The following ASTN2 variants were observed in gnomAD, a reference collection of about 807,000 sequenced individuals.
ASTN2 encodes the protein astrotactin-2.
ASTN2 carries 54 observed loss-of-function variants against 139.8 expected under a neutral mutation model. The observed-to-expected ratio is 0.39, with a 90% CI of 0.31 to 0.48. The LOEUF is 0.48. Among genes scored for constraint, ASTN2 ranks in the 20% least tolerant of loss-of-function variants. The probability of loss-of-function intolerance (pLI) is 0.95; values close to 1 mark genes in which losing one functional copy is unlikely to be tolerated. For synonymous variants in ASTN2, 756 were observed against 719.5 expected (o/e 1.05, Z -0.81); for missense variants, 1,565 against 1,725.1 (o/e 0.91, Z 1.64).
intron 3 of ASTN2, among the ~76,000 whole-genome samples, chr9:117,210,391 T>C (rs1159334969): frequency 6.6e-6 from 1 of 151,878 alleles, no homozygotes; most frequent in Non-Finnish European, 1.5e-5. Context: ...AAATACAAAA[T>C]GATACAAATA....
intron 10 of ASTN2, among the ~76,000 whole-genome samples, chr9:116,962,808 G>A (rs1464887605): frequency 6.6e-6 from 1 of 152,120 alleles, no homozygotes; most frequent in Non-Finnish European, 1.5e-5. Context: ...AATTTTGATA[G>A]GACTGTTTTG....
At chr9:117,183,007 T>C (rs910452406) in intron 3 of ASTN2, among the ~76,000 whole-genome samples, 1 of 152,266 alleles carries the variant, frequency 6.6e-6, no homozygotes. Context: ...TTCATTTGGT[T>C]GAACGCTACA....
chr9:117,112,388 T>C (rs553108768), intron 4 of ASTN2, among the ~76,000 whole-genome samples: 1 of 152,118 alleles, frequency 6.6e-6, no homozygotes, highest in African/African-American at 2.4e-5. Flanking sequence ...GTTTTTAAGA[T>C]CTATTATAAA....
At chr9:117,408,844 A>G (rs1831081338) in intron 1 of ASTN2, among the ~76,000 whole-genome samples, 1 of 152,212 alleles carries the variant, frequency 6.6e-6, no homozygotes, top group African/African-American at 2.4e-5. Context: ...GAAGGAAGAC[A>G]ACGTATTTCA....
At chr9:116,706,454 T>C (rs1827990615) in intron 16 of ASTN2, among the ~76,000 whole-genome samples, 1 of 152,076 alleles carries the variant, frequency 6.6e-6, no homozygotes, top group Non-Finnish European at 1.5e-5. Flanking sequence ...ACTGCAGCCC[T>C]ACCTCCAAGC....
chr9:117,144,911 G>C (rs1446109092), intron 3 of ASTN2, among the ~76,000 whole-genome samples: 1 of 151,820 alleles, frequency 6.6e-6, no homozygotes, highest in Non-Finnish European at 1.5e-5. Context: ...TCAAACTCCT[G>C]ACCACAAGTG....
In ASTN2 at chr9:117,141,467, C is replaced by T. The variant is rs781370790; in HGVS notation, c.1027G>A (p.Ala343Thr). Residue 343 changes from alanine to threonine, a missense_variant, in exon 4 of 23, where the codon GCG becomes ACG. By Grantham distance (58) the Ala-to-Thr change is moderately conservative (BLOSUM62 0). Coordinates refer to ENST00000313400, the MANE Select transcript of ASTN2 (RefSeq NM_001365068.1). ...AGGGACTCCACTGTCTCCTGAGTCG[C>T]CTCAGCTGCTGCTATAAGGTAGCAA... ...VDFEKKAAAE[A>T]TQETVESLMQ... is the part of the protein sequence containing the mutation. The T allele has an allele frequency of 1.5e-6, 2 of 1,367,142 alleles. No homozygotes were observed. The highest frequency in any genetic ancestry group is 1.1e-5 in the South Asian group (1 of 88,028). The allele number at this position is 1,367,142 out of a possible 1,614,324, so 84.7% of individuals were successfully genotyped here. A position where few individuals can be genotyped will look rare whatever the true frequency, so the allele number is the denominator to read the frequency against.
chr9:116,608,768 A>G (rs1855351336), intron 19 of ASTN2, among the ~76,000 whole-genome samples: 1 of 152,220 alleles, frequency 6.6e-6, no homozygotes, highest in East Asian at 1.9e-4. Context: ...AATGCAACCC[A>G]TAATGAGAAG....
intron 2 of ASTN2, among the ~76,000 whole-genome samples, chr9:117,288,520 G>A (rs968229235): frequency 7.2e-5 from 11 of 152,206 alleles, no homozygotes; most frequent in African/African-American, 2.7e-4. Flanking sequence ...GGGCCATGAT[G>A]TCATGAATTG....
chr9:116,697,717 T>A, intron 16 of ASTN2: 1 of 1,613,216 alleles, frequency 6.2e-7, no homozygotes. Flanking sequence ...TGAGCTGTGC[T>A]AGCAATACCC....
At chr9:116,515,793 G>T (rs1850623239) in intron 19 of ASTN2, among the ~76,000 whole-genome samples, 1 of 152,184 alleles carries the variant, frequency 6.6e-6, no homozygotes, top group Non-Finnish European at 1.5e-5. Flanking sequence ...CATCAGAAGT[G>T]ATTAGTCACA....
At chr9:116,862,316 G>T (rs1832904344) in intron 11 of ASTN2, among the ~76,000 whole-genome samples, 1 of 151,958 alleles carries the variant, frequency 6.6e-6, no homozygotes, top group South Asian at 2.1e-4. Context: ...TACTGAGATG[G>T]GTACTTCTGG....
At chr9:116,731,540 G>A (rs959386733) in intron 14 of ASTN2, among the ~76,000 whole-genome samples, 7 of 151,790 alleles carry the variant, frequency 4.6e-5, no homozygotes, top group African/African-American at 1.2e-4. Flanking sequence ...CTCCTGCCTC[G>A]GCCTCTTGAG....
chr9:117,393,983 A>G (rs1830610201), intron 1 of ASTN2, among the ~76,000 whole-genome samples: 1 of 152,212 alleles, frequency 6.6e-6, no homozygotes, highest in Non-Finnish European at 1.5e-5. Context: ...CCTGGACTAT[A>G]AGATGCACCA....
chr9:117,371,220 T>C (rs1829981899), intron 1 of ASTN2, among the ~76,000 whole-genome samples: 1 of 152,128 alleles, frequency 6.6e-6, no homozygotes, highest in African/African-American at 2.4e-5. Flanking sequence ...CATTATCAAA[T>C]ACCCATAACA....
At chr9:117,338,500 C>A (rs1169848664) in intron 1 of ASTN2, among the ~76,000 whole-genome samples, 1 of 152,142 alleles carries the variant, frequency 6.6e-6, no homozygotes. Context: ...TTGTGCTGGG[C>A]ACACATAAGA....
intron 13 of ASTN2, among the ~76,000 whole-genome samples, chr9:116,794,601 C>CTG (rs1830644616): frequency 6.6e-6 from 1 of 152,144 alleles, no homozygotes; most frequent in African/African-American, 2.4e-5. Context: ...TATTTACACG[C>CTG]TGTGTGGCCT....
At chr9:117,056,725 A>C (rs1386451520) in intron 5 of ASTN2, among the ~76,000 whole-genome samples, 1 of 152,188 alleles carries the variant, frequency 6.6e-6, no homozygotes, top group East Asian at 1.9e-4. Context: ...CAACCCTGGA[A>C]GTTGGTGAAA....
rs1828868435 is a variant in ASTN2, at chr9:116,734,441, C to G, written c.2397-918G>C. 2.0e-5 allele frequency among the ~76,000 whole-genome samples: 3 copies of G among 152,088 alleles called. No individual in the cohort carries two copies. In the South Asian group the frequency reaches 6.3e-4, roughly 32 times the overall value. ...TGAGCTTCCTGTTACTGAGGGTGTGCAAGCAGAAAACTTGGCAGCCAGTTG... is the reference window on the plus strand; with the variant it reads ...TGAGCTTCCTGTTACTGAGGGTGTGGAAGCAGAAAACTTGGCAGCCAGTTG... On this transcript the variant is annotated intron_variant, in intron 13 of 22. Coordinates refer to ENST00000313400, the MANE Select transcript of ASTN2 (RefSeq NM_001365068.1).
Sources: allele counts gnomAD v4.1 joint callset (sites outside exome capture counted in the v4.1 genomes callset), GRCh38; gene constraint gnomAD v4.1.1; transcripts MANE v1.5; gene names NCBI Gene and HGNC (gene_info 2026-07-23, HGNC 2026-07-21).